CUZD1: variants seen among roughly 807,000 people sequenced by gnomAD.
The protein encoded by CUZD1 is CUB and zona pellucida-like domain-containing protein 1.
In CUZD1, 42 loss-of-function variants were observed where a neutral mutation model predicts 53.1. The observed-to-expected ratio is 0.79, with a 90% confidence interval of 0.62 to 1.02. CUZD1 has a LOEUF of 1.02. CUZD1 is among the 50% of genes least tolerant of loss of function. The pLI, the probability that CUZD1 is intolerant of heterozygous loss-of-function variation, is 0.00. For synonymous variants in CUZD1, 238 were observed against 257.2 expected (o/e 0.93, Z 0.71); for missense variants, 670 against 715.7 (o/e 0.94, Z 0.73).
At chr10:122,837,877 T>G (rs1293952598) in intron 3 of CUZD1, 2 of 198,606 alleles carry the variant, frequency 1.0e-5, no homozygotes, top group African/African-American at 4.7e-5. Context: ...AGGCTCTTCC[T>G]CACTCTCACC....
chr10:122,845,117 C>T (rs1847416082), intron 1 of CUZD1, among the ~76,000 whole-genome samples: 1 of 151,254 alleles, frequency 6.6e-6, no homozygotes, highest in African/African-American at 2.4e-5. Flanking sequence ...TGCTCTGTCA[C>T]CCAGGCTGGA....
intron 6 of CUZD1, among the ~76,000 whole-genome samples, chr10:122,835,307 G>A (rs1847231879): frequency 6.6e-6 from 1 of 152,158 alleles, no homozygotes; most frequent in Non-Finnish European, 1.5e-5. Context: ...GCTTGTATTA[G>A]AAAGACCTGA....
chr10:122,836,443 A>G (rs1035392293), intron 5 of CUZD1, 93 bp from the exon 6 acceptor site: 2 of 1,135,158 alleles, frequency 1.8e-6, no homozygotes, highest in African/African-American at 3.2e-5. Flanking sequence ...TAAATATATA[A>G]AAAGTCAAAA....
chr10:122,838,983 G>C (rs764372470), intron 3 of CUZD1, 34 bp downstream of exon 3: 1 of 1,497,236 alleles, frequency 6.7e-7, no homozygotes, highest in South Asian at 1.1e-5. Context: ...GCTTGTAGGA[G>C]ATGTGGGTGA....
intron 6 of CUZD1, among the ~76,000 whole-genome samples, chr10:122,835,968 C>G (rs181777895): frequency 3.3e-5 from 5 of 152,224 alleles, no homozygotes; most frequent in Non-Finnish European, 1.5e-5. Flanking sequence ...AGATAACTAT[C>G]CCCCACTTAT....
intron 8 of CUZD1, among the ~76,000 whole-genome samples, chr10:122,832,874 T>C (rs1232538945): frequency 6.6e-6 from 1 of 152,242 alleles, no homozygotes; most frequent in Non-Finnish European, 1.5e-5. Flanking sequence ...CTTCCATTTA[T>C]AAATTTTCAA....
In CUZD1 at chr10:122,832,430, C is replaced by T; in HGVS notation, c.1672G>A (p.Ala558Thr). 1 of 1,613,762 alleles carries T rather than the reference C, an allele frequency of 6.2e-7. No homozygotes were observed. The highest frequency in any genetic ancestry group is 8.5e-7 in the Non-Finnish European group (1 of 1,179,822). The change falls in exon 9 of 9, where the codon GCG (alanine) becomes ACG (threonine). Residue 558 changes from alanine (A) to threonine (T), a missense_variant. Coordinates refer to ENST00000392790, the MANE Select transcript of CUZD1 (RefSeq NM_022034.6). ...GNSGFQHETH[A>T]EETPNQPFNS... Reference sequence around the variant, plus strand: ...AAAGGCTGGTTTGGAGTTTCTTCCGCATGTGTTTCATGCTGAAATCCTAAA... The same window carrying T: ...AAAGGCTGGTTTGGAGTTTCTTCCGTATGTGTTTCATGCTGAAATCCTAAA...
In CUZD1 at chr10:122,837,831, T is replaced by C. The variant is rs1036070811; in HGVS notation, c.449-277A>G. ...TCTGGAGAGACTCCCATTACCTGAA[T>C]TGCGCCATAGAAAATAAAGTCACAC... is the stretch of plus-strand genomic sequence containing the variant. On this transcript the variant is annotated intron_variant, in intron 3 of 8. Coordinates refer to ENST00000392790, the MANE Select transcript of CUZD1 (RefSeq NM_022034.6). 3.5e-5 allele frequency: 10 copies of C among 288,984 alleles called. No homozygotes were observed. In the Middle Eastern group the frequency reaches 3.0e-3, roughly 85 times the overall value. 17.9% of individuals were successfully genotyped at this position (288,984 alleles called of 1,614,324 possible). A position where few individuals can be genotyped will look rare whatever the true frequency, so the allele number is the denominator to read the frequency against.
In CUZD1 at chr10:122,832,356, C is replaced by A. The variant is rs182527423; in HGVS notation, c.1746G>T (p.Val582=). Residue 582 remains valine, a synonymous_variant, in exon 9 of 9, where the codon GTG becomes GTT. Coordinates refer to ENST00000392790, the MANE Select transcript of CUZD1 (RefSeq NM_022034.6). ...GCCTCACTGTGATTGTCGCTACAGT[C>A]ACCACATTCAGAGCTAGAACCATGA... The part of the protein sequence containing the change: ...FSFMVLALNV[V]TVATITVRHF... 1 of 1,614,150 alleles carries A rather than the reference C, an allele frequency of 6.2e-7. No homozygotes were observed. Among genetic ancestry groups the A allele is most frequent in the Non-Finnish European group, 8.5e-7 (1 of 1,180,002 alleles).
chr10:122,842,192 G>A (rs1231849398), intron 1 of CUZD1, among the ~76,000 whole-genome samples: 1 of 152,048 alleles, frequency 6.6e-6, no homozygotes, highest in African/African-American at 2.4e-5. Flanking sequence ...AGAACTCTTT[G>A]CTCAACCCCA....
intron 5 of CUZD1, 136 bp from the exon 6 acceptor site, chr10:122,836,486 A>AG (rs1302163284): frequency 5.4e-6 from 4 of 740,276 alleles, no homozygotes; most frequent in Non-Finnish European, 8.4e-6. Context: ...CATAAATTTG[A>AG]GATAGCCAAG....
rs760945039 is a variant in CUZD1 at position 122,839,158 on chromosome 10, GC to G, written c.306del (p.Leu103Ter). 3 of 1,614,126 alleles carry G rather than the reference GC, an allele frequency of 1.9e-6. No individual in the cohort carries two copies. Among genetic ancestry groups the G allele is most frequent in the Non-Finnish European group, 2.5e-6 (3 of 1,179,976 alleles). ...VFDGTSSNGP[L>X]LGQVCSKNDY... is the part of the protein sequence containing the mutation. ...TCGTTTTTACTGCAGACTTGCCCTA[GC>G]AGAGGCCCATTGCTGGAGGTTCCGT... On this transcript the variant is annotated frameshift_variant, in exon 3 of 9. Coordinates refer to ENST00000392790, the MANE Select transcript of CUZD1 (RefSeq NM_022034.6). LOFTEE classifies it high-confidence loss of function.
At chr10:122,840,911 G>A (rs1434538214) in intron 2 of CUZD1, among the ~76,000 whole-genome samples, 1 of 152,188 alleles carries the variant, frequency 6.6e-6, no homozygotes, top group Non-Finnish European at 1.5e-5. Context: ...CACTATTTGT[G>A]TGACCTCAGA....
At chr10:122,832,937 G>A (rs948443972) in intron 8 of CUZD1, among the ~76,000 whole-genome samples, 5 of 152,108 alleles carry the variant, frequency 3.3e-5, no homozygotes, top group Admixed American at 1.3e-4. Flanking sequence ...TAGTGAATGC[G>A]TTTATAAAAT....
rs189186257 is a variant in CUZD1, at chr10:122,844,051, C to G, written c.82+1711G>C. On this transcript the variant is annotated intron_variant, in intron 1 of 8. Coordinates refer to ENST00000392790, the MANE Select transcript of CUZD1 (RefSeq NM_022034.6). ...ATATATATATAGAGAGAGGGACAGA[C>G]AGAGTCTCACTCTGTTACCTATACT... is the stretch of plus-strand genomic sequence containing the variant. 1.6e-3 allele frequency among the ~76,000 whole-genome samples: 237 copies of G among 150,414 alleles called. 1 individual carries two copies. The highest frequency in any genetic ancestry group is 5.5e-3 in the African/African-American group (227 of 40,920).
Position 122,834,753 on chromosome 10 carries a change from A to G in CUZD1, c.1335T>C (p.Ser445=), listed in dbSNP as rs1847220537. ...TTGGAGATGCAAAGTCAGAGGTGGG[A>G]GAGGCTCTACAGGTATCAAGAAACA... ...LVVFLDTCRA[S]PTSDFASPTY... is the part of the protein sequence containing the mutation. Residue 445 remains serine, a synonymous_variant, in exon 7 of 9, where the codon TCT becomes TCC. Transcript: ENST00000392790. 6.2e-7 allele frequency: 1 copy of G among 1,612,594 alleles called. No homozygotes were observed. Among genetic ancestry groups the G allele is most frequent in the South Asian group, 1.1e-5 (1 of 90,806 alleles).
chr10:122,842,090 G>A (rs1847353316), intron 1 of CUZD1, among the ~76,000 whole-genome samples: 1 of 151,932 alleles, frequency 6.6e-6, no homozygotes, highest in Non-Finnish European at 1.5e-5. Context: ...CCTCTTAACA[G>A]TGTCTTTCCC....
chr10:122,839,315 T>A, intron 2 of CUZD1, 84 bp from the exon 3 acceptor site: 1 of 1,189,180 alleles, frequency 8.4e-7, no homozygotes, highest in Non-Finnish European at 1.2e-6. Context: ...CCTAGGCATG[T>A]AAATTTACAA....
chr10:122,842,233 T>C (rs1372663233), intron 1 of CUZD1, among the ~76,000 whole-genome samples: 1 of 152,226 alleles, frequency 6.6e-6, no homozygotes, highest in Non-Finnish European at 1.5e-5. Flanking sequence ...TGTTTTCTTT[T>C]TAAAAATACT....
Sources: gnomAD v4.1 joint callset for allele counts (sites outside exome capture counted in the v4.1 genomes callset) on GRCh38, gnomAD v4.1.1 for gene constraint, MANE v1.5 for transcripts, NCBI Gene and HGNC (gene_info 2026-07-23, HGNC 2026-07-21) for gene names.